The following FMNL2 variants were observed in gnomAD, a reference collection of about 807,000 sequenced individuals.
FMNL2 encodes the protein formin like 2, also known as formin-like protein 2.
Under a neutral mutation model 130.2 loss-of-function variants are expected in FMNL2, and 51 were observed. That is an observed-to-expected ratio of 0.39 (90% CI 0.31 to 0.49). FMNL2 has a LOEUF of 0.49. Ranked by LOEUF, FMNL2 falls within the 20% of genes least tolerant of loss-of-function variation. The probability of loss-of-function intolerance (pLI) is 0.85; values close to 1 mark genes in which losing one functional copy is unlikely to be tolerated. For missense variants in FMNL2, 977 were observed against 1,316.2 expected, an observed-to-expected ratio of 0.74 and a Z score of 3.99; for synonymous variants, 465 against 467.1, an observed-to-expected ratio of 1.00 and a Z score of 0.06.
chr2:152,378,962 G>C (rs1224109068), intron 1 of FMNL2, among the ~76,000 whole-genome samples: 3 of 109,280 alleles, frequency 2.7e-5, no homozygotes, highest in African/African-American at 1.1e-4. Flanking sequence ...GGGATGGCTA[G>C]AGAAGGACTG....
At chr2:152,381,877 G>A (rs1326172936) in intron 1 of FMNL2, among the ~76,000 whole-genome samples, 1 of 151,162 alleles carries the variant, frequency 6.6e-6, no homozygotes, top group Non-Finnish European at 1.5e-5. Context: ...GCACAATCAC[G>A]GCTCACTGCA....
intron 2 of FMNL2, among the ~76,000 whole-genome samples, chr2:152,537,615 C>A (rs1467378279): frequency 6.6e-6 from 1 of 152,024 alleles, no homozygotes. Flanking sequence ...AAAAGTTACC[C>A]TTAATTTATG....
chr2:152,628,977 G>A (rs564983674), intron 18 of FMNL2, among the ~76,000 whole-genome samples: 57 of 152,232 alleles, frequency 3.7e-4, no homozygotes, highest in Middle Eastern at 6.8e-3. Context: ...TACCATAAGA[G>A]TTTTCTTTCT....
rs765242532 is a variant in FMNL2, at chr2:152,648,795, G to GC, written c.*891dup. The GC allele has an allele frequency of 6.6e-6, 1 of 152,518 alleles. No homozygotes were observed. The allele number at this position is 152,518 out of a possible 1,614,324, so 9.4% of individuals were successfully genotyped here. A position where few individuals can be genotyped will look rare whatever the true frequency, so the allele number is the denominator to read the frequency against. ...CTGGCCTTACTCTCCTCTGACAATC[G>GC]CAATTTTTTCTTATTTTTTATAAAT... On this transcript the variant is annotated 3_prime_UTR_variant, in exon 26 of 26. Coordinates refer to ENST00000288670, the MANE Select transcript of FMNL2 (RefSeq NM_052905.4).
chr2:152,613,720 A>G (rs1174513319), intron 11 of FMNL2, among the ~76,000 whole-genome samples: 1 of 152,224 alleles, frequency 6.6e-6, no homozygotes, highest in East Asian at 1.9e-4. Context: ...TAAATGCTTC[A>G]CTAGTTTACA....
chr2:152,343,367 C>T (rs1681921167), intron 1 of FMNL2, among the ~76,000 whole-genome samples: 1 of 152,204 alleles, frequency 6.6e-6, no homozygotes. Flanking sequence ...GTGATCTCAG[C>T]TCACTGCAAC....
At chr2:152,459,770 T>G (rs1689144376) in intron 1 of FMNL2, among the ~76,000 whole-genome samples, 1 of 152,210 alleles carries the variant, frequency 6.6e-6, no homozygotes, top group African/African-American at 2.4e-5. Context: ...TTGCATACTT[T>G]AAATGGGTGC....
At chr2:152,412,655 A>C (rs1686385699) in intron 1 of FMNL2, among the ~76,000 whole-genome samples, 1 of 151,344 alleles carries the variant, frequency 6.6e-6, no homozygotes. Context: ...AAAAAATACA[A>C]AAATTAGCCA....
At chr2:152,399,782 A>G (rs1685587968) in intron 1 of FMNL2, among the ~76,000 whole-genome samples, 1 of 152,318 alleles carries the variant, frequency 6.6e-6, no homozygotes, top group Non-Finnish European at 1.5e-5. Context: ...GAAGCAGTTA[A>G]AGATGACCTT....
rs139108864 is a variant in FMNL2 at position 152,515,124 on chromosome 2, C to A, written c.118-6819C>A. On this transcript the variant is annotated intron_variant, in intron 1 of 25. Coordinates refer to ENST00000288670, the MANE Select transcript of FMNL2 (RefSeq NM_052905.4). ...CCACACATTAGAAACCATATTGTGT[C>A]ATTTAATGCCATTCTTTACCATCCT... Among the ~76,000 whole-genome samples the A allele has an allele frequency of 1.3e-3, 200 of 152,286 alleles. 1 individual carries two copies. The highest frequency in any genetic ancestry group is 4.5e-3 in the African/African-American group (185 of 41,558).
chr2:152,546,484 G>A (rs1694644118), intron 3 of FMNL2, among the ~76,000 whole-genome samples: 1 of 152,026 alleles, frequency 6.6e-6, no homozygotes, highest in Non-Finnish European at 1.5e-5. Flanking sequence ...CAGTTCAGGC[G>A]CTATCTGCCC....
At chr2:152,498,899 G>C (rs1037169987) in intron 1 of FMNL2, among the ~76,000 whole-genome samples, 3 of 152,142 alleles carry the variant, frequency 2.0e-5, no homozygotes, top group Admixed American at 1.3e-4. Flanking sequence ...GAAAGAGGCA[G>C]AATTAGTCCC....
At chr2:152,449,201 C>T (rs574587652) in intron 1 of FMNL2, among the ~76,000 whole-genome samples, 1 of 152,324 alleles carries the variant, frequency 6.6e-6, no homozygotes, top group East Asian at 1.9e-4. Flanking sequence ...GTTTCTCTCT[C>T]TTTAGTTTCT....
intron 1 of FMNL2, among the ~76,000 whole-genome samples, chr2:152,471,572 G>T (rs1178250906): frequency 6.6e-6 from 1 of 152,176 alleles, no homozygotes; most frequent in Non-Finnish European, 1.5e-5. Flanking sequence ...CCGGCGCCTG[G>T]TTCTGTAGCA....
At chr2:152,388,262 C>A (rs1684897323) in intron 1 of FMNL2, among the ~76,000 whole-genome samples, 1 of 152,104 alleles carries the variant, frequency 6.6e-6, no homozygotes, top group Non-Finnish European at 1.5e-5. Flanking sequence ...GGTCTGTTCT[C>A]ACATTGCTAA....
intron 1 of FMNL2, among the ~76,000 whole-genome samples, chr2:152,350,467 C>T (rs1682416574): frequency 6.6e-6 from 1 of 152,114 alleles, no homozygotes; most frequent in African/African-American, 2.4e-5. Context: ...ATGAGTATTT[C>T]AGAATTGCCA....
intron 9 of FMNL2, among the ~76,000 whole-genome samples, chr2:152,598,881 G>A (rs1221933894): frequency 6.6e-6 from 1 of 152,218 alleles, no homozygotes; most frequent in Non-Finnish European, 1.5e-5. Flanking sequence ...GAAGTTCCAT[G>A]CTACGCATCT....
chr2:152,464,095 G>A (rs1313729116), intron 1 of FMNL2, among the ~76,000 whole-genome samples: 1 of 152,088 alleles, frequency 6.6e-6, no homozygotes, highest in Admixed American at 6.5e-5. Context: ...ACGATGCCTG[G>A]CTAATTTTTT....
At chr2:152,628,647 A>G (rs10208744) in intron 18 of FMNL2, 114 bp downstream of exon 18, 84,549 of 857,988 alleles carry the variant, frequency 0.099, 4,932 homozygotes, top group African/African-American at 0.21. Context: ...ACTCCTTCCC[A>G]GAACTTTCTA....
Sources: gnomAD v4.1 joint callset for allele counts (sites outside exome capture counted in the v4.1 genomes callset) on GRCh38, gnomAD v4.1.1 for gene constraint, MANE v1.5 for transcripts, NCBI Gene and HGNC (gene_info 2026-07-23, HGNC 2026-07-21) for gene names.